The following WIPI1 variants were observed in gnomAD, a reference collection of about 807,000 sequenced individuals.
WIPI1 encodes the protein WD repeat domain, phosphoinositide interacting 1.
A neutral mutation model predicts 55.3 loss-of-function variants in WIPI1; 45 were observed. The observed-to-expected ratio is 0.81, with a 90% CI of 0.64 to 1.04. The LOEUF (loss-of-function observed/expected upper bound fraction) is 1.04, where lower values mean the gene tolerates loss of function less well. Among genes scored for constraint, WIPI1 ranks in the 50% least tolerant of loss-of-function variants. The probability of loss-of-function intolerance (pLI) is 0.00; values close to 1 mark genes in which losing one functional copy is unlikely to be tolerated. For synonymous variants in WIPI1, 195 were observed against 217.6 expected (o/e 0.90, Z 0.92); for missense variants, 445 against 559.0 (o/e 0.80, Z 2.06).
Position 68,428,854 on chromosome 17 carries a change from C to G in WIPI1, c.1048G>C (p.Glu350Gln). 1 of 1,614,060 alleles carries G rather than the reference C, an allele frequency of 6.2e-7. No individual in the cohort carries two copies. The highest frequency in any genetic ancestry group is 8.5e-7 in the Non-Finnish European group (1 of 1,179,920). The change falls in exon 10 of 13, where the codon GAG becomes CAG. Residue 350 changes from glutamate (E) to glutamine (Q), a missense_variant. Glu to Gln is a conservative substitution (Grantham distance 29). Coordinates refer to ENST00000262139, the MANE Select transcript of WIPI1 (RefSeq NM_017983.7). Reference sequence around the variant, plus strand: ...CTGTGGGTTTTGATTAAGACACACTCTCCTCCATCCTGAGGATCCAAATTG... The same window carrying G: ...CTGTGGGTTTTGATTAAGACACACTGTCCTCCATCCTGAGGATCCAAATTG... Reference protein sequence around the residue: ...MYNLDPQDGGECVLIKTHSLL... With the variant: ...MYNLDPQDGGQCVLIKTHSLL...
chr17:68,433,055 T>C (rs190964141), intron 8 of WIPI1, among the ~76,000 whole-genome samples: 8 of 152,382 alleles, frequency 5.2e-5, no homozygotes, highest in African/African-American at 1.7e-4. Flanking sequence ...GCAACAATGA[T>C]AAATAAATAT....
chr17:68,444,594 A>C lies in WIPI1; in HGVS notation c.334-5T>G, dbSNP rs1338023982. ...TTCTAGGCAAACCAGCAGCCTCTGT[A>C]ATCACACAGACTTATCAGTCTACCG... is the stretch of plus-strand genomic sequence containing the variant. On this transcript the variant is annotated splice_region_variant and splice_polypyrimidine_tract_variant and intron_variant, in intron 3 of 12. Transcript: ENST00000262139. 1.2e-6 allele frequency: 2 copies of C among 1,611,288 alleles called. No homozygotes were observed. The highest frequency in any genetic ancestry group is 2.7e-5 in the African/African-American group (2 of 74,808).
chr17:68,428,987 G>T (rs1171586237), intron 9 of WIPI1, 51 bp from the exon 10 acceptor site: 2 of 1,420,598 alleles, frequency 1.4e-6, no homozygotes, highest in Non-Finnish European at 2.0e-6. Context: ...ATGGGCGATG[G>T]ATTCGCTTCC....
At chr17:68,422,773 C>T (rs1362085727) in intron 12 of WIPI1, 1 of 148,594 alleles carries the variant, frequency 6.7e-6, no homozygotes, top group Admixed American at 6.8e-5. Flanking sequence ...TCAGTTTATA[C>T]CCTTGGGCCT....
Position 68,457,344 on chromosome 17 carries a change from G to C in WIPI1, c.78C>G (p.Cys26Trp). The stretch of plus-strand genomic sequence containing the variant: ...GCAGGGGCCGAGTCGCAGCTTACGT[G>C]CAGTCCTGGTTGAAAGAGAAGCAGC... Reference protein sequence around the residue: ...ALSCFSFNQDCTSLATGTKAG... With the variant: ...ALSCFSFNQDWTSLATGTKAG... Residue 26 changes from cysteine to tryptophan, a missense_variant and splice_region_variant, in exon 1 of 13, where the codon TGC becomes TGG. Coordinates refer to ENST00000262139, the MANE Select transcript of WIPI1 (RefSeq NM_017983.7). 6.5e-7 allele frequency: 1 copy of C among 1,546,564 alleles called. No individual in the cohort carries two copies. Among genetic ancestry groups the C allele is most frequent in the Non-Finnish European group, 8.7e-7 (1 of 1,145,856 alleles).
Position 68,452,918 on chromosome 17 carries a change from T to A in WIPI1, c.155A>T (p.His52Leu), listed in dbSNP as rs776452006. 3.7e-6 allele frequency: 6 copies of A among 1,613,900 alleles called. No individual in the cohort carries two copies. In the South Asian group the frequency reaches 6.6e-5, roughly 18 times the overall value. Residue 52 changes from histidine (H) to leucine (L), a missense_variant, in exon 2 of 13, where the codon CAC becomes CTC. Coordinates refer to ENST00000262139, the MANE Select transcript of WIPI1 (RefSeq NM_017983.7). ...CTCTCACACACACTTACTGCTTCCG[T>A]GGACTTGATCCAGCTGCTCCACAGA... ...LSSVEQLDQV[H>L]GSNEIPDVYI...
chr17:68,421,357 A>T lies in WIPI1; in HGVS notation c.*416T>A, dbSNP rs552302877. On this transcript the variant is annotated 3_prime_UTR_variant, in exon 13 of 13. Coordinates refer to ENST00000262139, the MANE Select transcript of WIPI1 (RefSeq NM_017983.7). ...AAATGATTTATTCCAGCCACAGCCAAAAAAGACTTTGCCTGGCTAAAAGAG... is the reference window on the plus strand; with the variant it reads ...AAATGATTTATTCCAGCCACAGCCATAAAAGACTTTGCCTGGCTAAAAGAG... The T allele has an allele frequency of 3.1e-4, 51 of 166,818 alleles. 2 individuals carry two copies. The South Asian group carries it at 8.4e-3, about 27-fold the overall frequency. The allele number at this position is 166,818 out of a possible 1,614,324, so 10.3% of individuals were successfully genotyped here. A position where few individuals can be genotyped will look rare whatever the true frequency, so the allele number is the denominator to read the frequency against.
intron 4 of WIPI1, 67 bp from the exon 5 acceptor site, chr17:68,436,546 C>T (rs2083797117): frequency 2.1e-6 from 3 of 1,456,586 alleles, no homozygotes; most frequent in South Asian, 2.3e-5. Flanking sequence ...CTGGAGAGGG[C>T]ATCTGAAAAC....
At chr17:68,444,345 C>T in intron 4 of WIPI1, 148 bp downstream of exon 4, 1 of 695,736 alleles carries the variant, frequency 1.4e-6, no homozygotes, top group East Asian at 2.8e-5. Context: ...GAATCTGCCG[C>T]CATTAAGACA....
At chr17:68,426,253 G>GGGGAGGT in intron 11 of WIPI1, 78 bp from the exon 12 acceptor site, 1 of 841,018 alleles carries the variant, frequency 1.2e-6, no homozygotes. Flanking sequence ...GGGGAGCGGG[G>GGGGAGGT]GCTCAAATAA....
rs757029920 is a variant in WIPI1 at position 68,435,696 on chromosome 17, A to G, written c.545T>C (p.Ile182Thr). The G allele has an allele frequency of 1.2e-6, 2 of 1,614,214 alleles. No individual in the cohort carries two copies. The highest frequency in any genetic ancestry group is 1.7e-6 in the Non-Finnish European group (2 of 1,180,012). The change falls in exon 6 of 13, where the codon ATT becomes ACT. Residue 182 changes from isoleucine to threonine, a missense_variant. Physicochemically the swap from Ile to Thr is moderately conservative, Grantham distance 89. Transcript: ENST00000262139. ...AGCTAGTGTTCCCTCATGGGCAGCA[A>G]TAGTGCAGACTGTTTTCTGTTGGTG... The part of the protein sequence containing the change: ...DGNSLKTVCT[I>T]AAHEGTLAAI...
At chr17:68,454,324 T>C (rs2084593448) in intron 1 of WIPI1, among the ~76,000 whole-genome samples, 1 of 152,226 alleles carries the variant, frequency 6.6e-6, no homozygotes, top group African/African-American at 2.4e-5. Context: ...AAGCATATAC[T>C]AAAATAAGCA....
intron 12 of WIPI1, among the ~76,000 whole-genome samples, chr17:68,425,388 T>C (rs1337729469): frequency 3.3e-5 from 5 of 149,874 alleles, no homozygotes; most frequent in East Asian, 1.9e-4. Flanking sequence ...TTTTCTTTTT[T>C]TTTTTTTTTT....
rs1284062049 is a variant in WIPI1, at chr17:68,428,954, CAT to C, written c.966-20_966-19del. On this transcript the variant is annotated intron_variant, in intron 9 of 12. Coordinates refer to ENST00000262139, the MANE Select transcript of WIPI1 (RefSeq NM_017983.7). ...TCTGGATCCTAAGGGCCAAGGAAAA[CAT>C]AAACCGTGATGACAACGAAGATGGG... The C allele has an allele frequency of 1.1e-5, 18 of 1,597,402 alleles. No homozygotes were observed. Among genetic ancestry groups the C allele is most frequent in the African/African-American group, 5.4e-5 (4 of 74,638 alleles).
chr17:68,424,398 G>T, intron 12 of WIPI1: 2 of 531,656 alleles, frequency 3.8e-6, no homozygotes, highest in Non-Finnish European at 7.7e-6. Flanking sequence ...TCACTAGAGG[G>T]TTCCACGGAT....
At chr17:68,456,757 T>G (rs1179073634) in intron 1 of WIPI1, among the ~76,000 whole-genome samples, 1 of 152,116 alleles carries the variant, frequency 6.6e-6, no homozygotes, top group Non-Finnish European at 1.5e-5. Flanking sequence ...TCCAAAGGTT[T>G]CTTCCATCCA....
intron 9 of WIPI1, among the ~76,000 whole-genome samples, chr17:68,429,639 A>G (rs1416726547): frequency 6.6e-6 from 1 of 152,034 alleles, no homozygotes; most frequent in Non-Finnish European, 1.5e-5. Flanking sequence ...CCCAGGCTGG[A>G]GTGCAGTGGC....
chr17:68,452,832 G>A, intron 2 of WIPI1, 78 bp downstream of exon 2: 1 of 1,328,966 alleles, frequency 7.5e-7, no homozygotes, highest in Non-Finnish European at 1.1e-6. Context: ...AGGCAGCTTG[G>A]TAGCACCGCA....
intron 11 of WIPI1, 54 bp downstream of exon 11, chr17:68,427,081 G>C: frequency 1.4e-6 from 2 of 1,451,188 alleles, no homozygotes; most frequent in East Asian, 2.3e-5. Flanking sequence ...GCAGGGAGAA[G>C]GGGAGGGAGG....
Sources: gnomAD v4.1 joint callset for allele counts (sites outside exome capture counted in the v4.1 genomes callset) on GRCh38, gnomAD v4.1.1 for gene constraint, MANE v1.5 for transcripts, NCBI Gene and HGNC (gene_info 2026-07-23, HGNC 2026-07-21) for gene names.